The following ZNF827 variants were observed in gnomAD, a reference collection of about 807,000 sequenced individuals.
ZNF827 encodes zinc finger protein 827.
A neutral mutation model predicts 102.4 loss-of-function variants in ZNF827; 13 were observed. The observed-to-expected ratio is 0.13, with a 90% CI of 0.08 to 0.20. ZNF827 has a LOEUF of 0.20. Among genes scored for constraint, ZNF827 ranks in the 10% least tolerant of loss-of-function variants. The pLI, the probability that ZNF827 is intolerant of heterozygous loss-of-function variation, is 1.00. For missense variants in ZNF827, 1,103 were observed against 1,344.4 expected (o/e 0.82, Z 2.81); for synonymous variants, 523 against 536.2 (o/e 0.98, Z 0.34).
At chr4:145,813,250 G>A (rs1370200387) in intron 8 of ZNF827, among the ~76,000 whole-genome samples, 1 of 152,108 alleles carries the variant, frequency 6.6e-6, no homozygotes, top group East Asian at 1.9e-4. Context: ...ATCTCATCAT[G>A]TAGACATTTC....
chr4:145,835,223 A>G (rs1002231846), intron 7 of ZNF827: 10 of 152,140 alleles, frequency 6.6e-5, no homozygotes, highest in Non-Finnish European at 7.3e-5. Flanking sequence ...GAAGACTGAC[A>G]CTGCCCGATC....
intron 5 of ZNF827, among the ~76,000 whole-genome samples, chr4:145,852,101 T>C (rs893091123): frequency 1.3e-5 from 2 of 152,214 alleles, no homozygotes; most frequent in Admixed American, 1.3e-4. Context: ...GGGAAGTCAT[T>C]GTAAGGCCTG....
At chr4:145,821,350 A>G (rs1286847073) in intron 8 of ZNF827, among the ~76,000 whole-genome samples, 1 of 152,198 alleles carries the variant, frequency 6.6e-6, no homozygotes, top group Non-Finnish European at 1.5e-5. Flanking sequence ...GACTTGAAAG[A>G]AGTTAAGTTT....
intron 7 of ZNF827, among the ~76,000 whole-genome samples, chr4:145,827,007 A>G (rs948004763): frequency 1.3e-5 from 2 of 152,182 alleles, no homozygotes; most frequent in Middle Eastern, 3.2e-3. Flanking sequence ...TCGGCCTCCC[A>G]AAGTGCTGGG....
At chr4:145,796,270 CT>C (rs1422558621) in intron 8 of ZNF827, among the ~76,000 whole-genome samples, 3 of 152,162 alleles carry the variant, frequency 2.0e-5, no homozygotes, top group Non-Finnish European at 4.4e-5. Flanking sequence ...ATAATTGTTC[CT>C]AAAACAAACA....
Position 145,870,637 on chromosome 4 carries a change from A to C in ZNF827, c.1748-159T>G, listed in dbSNP as rs1748603104. ...CAGGCTGGGCCCTGGGCAAAACCAC[A>C]CAATACACTCCATGGGCCTACAACT... On this transcript the variant is annotated intron_variant, in intron 4 of 14. Coordinates refer to ENST00000508784, the MANE Select transcript of ZNF827 (RefSeq NM_001306215.2). 1.1e-5 allele frequency: 7 copies of C among 614,660 alleles called. 1 individual carries two copies. The South Asian group carries it at 1.4e-4, about 13-fold the overall frequency. The allele number at this position is 614,660 out of a possible 1,614,324, so 38.1% of individuals were successfully genotyped here. A position where few individuals can be genotyped will look rare whatever the true frequency, so the allele number is the denominator to read the frequency against.
At chr4:145,846,996 A>G (rs571590558) in intron 6 of ZNF827, among the ~76,000 whole-genome samples, 1 of 149,544 alleles carries the variant, frequency 6.7e-6, no homozygotes, top group Admixed American at 6.6e-5. Flanking sequence ...TCTACTAAAA[A>G]TACAAAAATT....
intron 7 of ZNF827, among the ~76,000 whole-genome samples, chr4:145,844,838 T>G (rs1290856577): frequency 7.2e-5 from 11 of 152,110 alleles, no homozygotes; most frequent in Non-Finnish European, 1.3e-4. Context: ...CAGGTTGAAG[T>G]TTAAATGAGT....
chr4:145,928,994 C>T (rs1360587816), intron 1 of ZNF827, among the ~76,000 whole-genome samples: 4 of 152,182 alleles, frequency 2.6e-5, no homozygotes, highest in Admixed American at 2.0e-4. Context: ...AGTGACTCTT[C>T]CAAGTTTTCA....
chr4:145,909,752 A>G (rs538707036), intron 1 of ZNF827, among the ~76,000 whole-genome samples: 2 of 152,316 alleles, frequency 1.3e-5, no homozygotes, highest in African/African-American at 4.8e-5. Context: ...CATAAAACAC[A>G]TCCGCATTTA....
intron 7 of ZNF827, among the ~76,000 whole-genome samples, chr4:145,829,154 C>T (rs969105347): frequency 1.5e-4 from 21 of 140,970 alleles, no homozygotes; most frequent in Admixed American, 4.8e-4. Context: ...AGAGAAGAAA[C>T]AGATTTTTTT....
At chr4:145,884,747 T>C (rs1471500724) in intron 4 of ZNF827, among the ~76,000 whole-genome samples, 1 of 152,132 alleles carries the variant, frequency 6.6e-6, no homozygotes, top group South Asian at 2.1e-4. Context: ...AGAAACATCA[T>C]GTACAATTTG....
intron 1 of ZNF827, among the ~76,000 whole-genome samples, chr4:145,914,090 C>T (rs1752496364): frequency 6.6e-6 from 1 of 151,366 alleles, no homozygotes; most frequent in Non-Finnish European, 1.5e-5. Context: ...CACACACACA[C>T]CAAGAGCATT....
chr4:145,839,962 T>C (rs560464717), intron 7 of ZNF827, among the ~76,000 whole-genome samples: 9 of 152,330 alleles, frequency 5.9e-5, no homozygotes, highest in Admixed American at 3.3e-4. Context: ...AAGCATATCG[T>C]TCCAATATAA....
intron 2 of ZNF827, among the ~76,000 whole-genome samples, chr4:145,894,107 TA>T (rs1443645988): frequency 2.6e-5 from 4 of 152,250 alleles, no homozygotes; most frequent in African/African-American, 9.6e-5. Flanking sequence ...GAATTGTGGT[TA>T]TTTTTTTAAG....
intron 3 of ZNF827, 39 bp downstream of exon 3, chr4:145,892,204 G>C (rs1446658929): frequency 1.3e-6 from 2 of 1,573,104 alleles, no homozygotes; most frequent in African/African-American, 2.7e-5. Context: ...CCCTGGCTGT[G>C]CCTGCCTCTC....
intron 9 of ZNF827, among the ~76,000 whole-genome samples, chr4:145,779,044 A>G (rs1737546757): frequency 6.6e-6 from 1 of 152,148 alleles, no homozygotes; most frequent in South Asian, 2.1e-4. Flanking sequence ...AATAAGATAA[A>G]ACCAGTAAGA....
intron 1 of ZNF827, among the ~76,000 whole-genome samples, chr4:145,932,270 G>C (rs574320886): frequency 6.6e-6 from 1 of 152,324 alleles, no homozygotes; most frequent in East Asian, 1.9e-4. Context: ...TAAGTCCAAA[G>C]ATACCAATTT....
intron 1 of ZNF827, among the ~76,000 whole-genome samples, chr4:145,930,570 A>G (rs560634920): frequency 6.6e-6 from 1 of 152,362 alleles, no homozygotes; most frequent in East Asian, 1.9e-4. Context: ...GATTTTCTTA[A>G]AAACAGAAGC....
Sources: allele counts gnomAD v4.1 joint callset (sites outside exome capture counted in the v4.1 genomes callset), GRCh38; gene constraint gnomAD v4.1.1; transcripts MANE v1.5; gene names NCBI Gene and HGNC (gene_info 2026-07-23, HGNC 2026-07-21).